Variants in METTL22 observed in about 807,000 individuals in gnomAD.
The protein encoded by METTL22 is methyltransferase 22, Kin17 lysine, also known as methyltransferase-like protein 22.
A neutral mutation model predicts 48.4 loss-of-function variants in METTL22; 51 were observed. The observed-to-expected ratio is 1.05, with a 90% CI of 0.84 to 1.33. The LOEUF is 1.33. Ranked by LOEUF, METTL22 falls within the 40% of genes most tolerant of loss-of-function variation. The probability of loss-of-function intolerance (pLI) is 0.00; values close to 1 mark genes in which losing one functional copy is unlikely to be tolerated. For missense variants in METTL22, 678 were observed against 526.9 expected, an observed-to-expected ratio of 1.29 and a Z score of -2.81; for synonymous variants, 255 against 214.1, an observed-to-expected ratio of 1.19 and a Z score of -1.67.
chr16:8,635,834 G>A (rs1218660665), intron 5 of METTL22, among the ~76,000 whole-genome samples: 1 of 152,236 alleles, frequency 6.6e-6, no homozygotes, highest in Non-Finnish European at 1.5e-5. Context: ...TGCGGTGAAT[G>A]GAGCTGACTA....
rs777070251 is a variant in METTL22 at position 8,646,408 on chromosome 16, C to T, written c.*265C>T. ...TGTGCTCCAGGGTCAAGCCGAGCCA[C>T]GTTCCTTCTCAGCTCAGTTCCACCC... On this transcript the variant is annotated 3_prime_UTR_variant, in exon 11 of 11. Coordinates refer to ENST00000381920, the MANE Select transcript of METTL22 (RefSeq NM_024109.4). 3.0e-6 allele frequency: 2 copies of T among 673,636 alleles called. No individual in the cohort carries two copies. The highest frequency in any genetic ancestry group is 1.8e-5 in the African/African-American group (1 of 56,676). The allele number at this position is 673,636 out of a possible 1,614,324, so 41.7% of individuals were successfully genotyped here.
intron 10 of METTL22, among the ~76,000 whole-genome samples, chr16:8,645,350 C>T (rs961396478): frequency 2.0e-5 from 3 of 152,274 alleles, no homozygotes; most frequent in South Asian, 2.1e-4. Flanking sequence ...GCATGGAATT[C>T]GTGTGGTTTT....
the METTL22 span, among the ~76,000 whole-genome samples, chr16:8,662,997 C>G: frequency 2.7e-5 from 4 of 147,630 alleles, no homozygotes; most frequent in East Asian, 7.9e-4. Context: ...CACCTGAGGT[C>G]AGGAGTTCGA....
In METTL22 at chr16:8,642,470, C is replaced by T. The variant is rs375016530; in HGVS notation, c.915C>T (p.Tyr305=). 3.7e-6 allele frequency: 6 copies of T among 1,613,986 alleles called. No homozygotes were observed. In the African/African-American group the frequency reaches 4.0e-5, roughly 11 times the overall value. ...TTILFAAEVF[Y]DDDLTDAVFK... ...CCTTTTTGCTTCCCACAGTGTTTTA[C>T]GACGACGACTTGACTGATGCTGTGT... is the stretch of plus-strand genomic sequence containing the variant. The change falls in exon 9 of 11, where the codon TAC becomes TAT. Residue 305 remains tyrosine, a synonymous_variant. Transcript: ENST00000381920.
At chr16:8,664,303 G>A in the METTL22 span, among the ~76,000 whole-genome samples, 62 of 152,066 alleles carry the variant, frequency 4.1e-4, no homozygotes, top group African/African-American at 1.4e-3. Context: ...GTGACACCAT[G>A]CCCAGCTAAT....
At chr16:8,632,033 C>T (rs550803787) in intron 3 of METTL22, 1 of 152,358 alleles carries the variant, frequency 6.6e-6, no homozygotes, top group East Asian at 1.9e-4. Flanking sequence ...TTTACCCATT[C>T]GAACACTAGC....
At chr16:8,636,843 T>C (rs565324090) in intron 5 of METTL22, among the ~76,000 whole-genome samples, 2 of 152,348 alleles carry the variant, frequency 1.3e-5, no homozygotes, top group African/African-American at 4.8e-5. Flanking sequence ...TTGATGAACA[T>C]TACCAACTAA....
At chr16:8,635,482 A>AAATGACCCT (rs1220498755) in intron 5 of METTL22, among the ~76,000 whole-genome samples, 170 bp downstream of exon 5, 1 of 152,200 alleles carries the variant, frequency 6.6e-6, no homozygotes, top group African/African-American at 2.4e-5. Context: ...AGTGACATCA[A>AAATGACCCT]AATGACCCAG....
chr16:8,649,121 G>C lies in METTL22; in HGVS notation c.*2978G>C, dbSNP rs1356557712. 1 of 152,204 alleles carries C rather than the reference G, an allele frequency of 6.6e-6. No homozygotes were observed. Among genetic ancestry groups the C allele is most frequent in the Admixed American group, 6.5e-5 (1 of 15,280 alleles). 9.4% of individuals were successfully genotyped at this position (152,204 alleles called of 1,614,324 possible). A position where few individuals can be genotyped will look rare whatever the true frequency, so the allele number is the denominator to read the frequency against. On this transcript the variant is annotated 3_prime_UTR_variant, in exon 11 of 11. Transcript: ENST00000381920. ...GGGTACAAGTCCATAAATGTAATTG[G>C]CACCAAGCAATAGAGTTGTCACAGC... is the stretch of plus-strand genomic sequence containing the variant.
In METTL22 at chr16:8,627,017, G is replaced by A. The variant is rs1253055247; in HGVS notation, c.133+1219G>A. On this transcript the variant is annotated intron_variant, in intron 2 of 10. Transcript: ENST00000381920. The stretch of plus-strand genomic sequence containing the variant: ...CTCCTGACCTCGTGCCGCCCGCCTC[G>A]GCCTCCCAAAGTGTCCTCTGCTCTT... 3.3e-5 allele frequency among the ~76,000 whole-genome samples: 5 copies of A among 151,776 alleles called. No homozygotes were observed. The East Asian group carries it at 5.8e-4, about 18-fold the overall frequency.
intron 6 of METTL22, chr16:8,639,429 T>A: frequency 3.8e-6 from 2 of 528,300 alleles, no homozygotes. Context: ...TGAGCTGGTC[T>A]CCCCAGCTCC....
downstream of METTL22, among the ~76,000 whole-genome samples, chr16:8,650,702 C>A (rs2056881655): frequency 6.6e-6 from 1 of 152,126 alleles, no homozygotes; most frequent in Non-Finnish European, 1.5e-5. Context: ...CATTCATATG[C>A]ACCCCATAAT....
the METTL22 span, among the ~76,000 whole-genome samples, chr16:8,657,820 C>CTTTTTTTTTTTTTTTTTTTTTTTTTTTT: frequency 1.5e-5 from 2 of 137,350 alleles, no homozygotes; most frequent in Non-Finnish European, 1.5e-5. Flanking sequence ...CTTTTCTTTT[C>CTTTTTTTTTTTTTTTTTTTTTTTTTTTT]TTTCTTTTTT....
chr16:8,646,003 A>T (rs1411697185), intron 10 of METTL22, 105 bp from the exon 11 acceptor site: 5 of 1,546,314 alleles, frequency 3.2e-6, no homozygotes, highest in South Asian at 1.2e-5. Flanking sequence ...TCCGTGGCTG[A>T]CGTGTTGTCT....
the METTL22 span, among the ~76,000 whole-genome samples, chr16:8,663,264 A>G: frequency 4.7e-5 from 7 of 149,590 alleles, no homozygotes; most frequent in African/African-American, 1.7e-4. Context: ...CCCTATTATT[A>G]TTAATCTCTG....
chr16:8,636,136 A>G (rs572885033), intron 5 of METTL22, among the ~76,000 whole-genome samples: 1 of 152,244 alleles, frequency 6.6e-6, no homozygotes, highest in Admixed American at 6.5e-5. Flanking sequence ...ACCTTCTGGA[A>G]TCCCCAGTGT....
chr16:8,637,577 T>A (rs755972148), intron 5 of METTL22, among the ~76,000 whole-genome samples: 4 of 152,254 alleles, frequency 2.6e-5, no homozygotes, highest in Non-Finnish European at 4.4e-5. Context: ...ATGGGCAGAC[T>A]GAGGCTGGCC....
intron 3 of METTL22, among the ~76,000 whole-genome samples, chr16:8,632,723 C>T (rs567144588): frequency 4.6e-5 from 7 of 152,190 alleles, no homozygotes; most frequent in Non-Finnish European, 8.8e-5. Flanking sequence ...GAGGCTACTT[C>T]TGCATTTTGC....
the METTL22 span, among the ~76,000 whole-genome samples, chr16:8,657,357 G>GTTAAATACAATATTAAGTAATAATGT: frequency 6.6e-6 from 1 of 152,164 alleles, no homozygotes; most frequent in Non-Finnish European, 1.5e-5. Flanking sequence ...TTTGTGCGTA[G>GTTAAATACAATATTAAGTAATAATGT]TTAAATACAA....
Sources: allele counts gnomAD v4.1 joint callset (sites outside exome capture counted in the v4.1 genomes callset), GRCh38; gene constraint gnomAD v4.1.1; transcripts MANE v1.5; gene names NCBI Gene and HGNC (gene_info 2026-07-23, HGNC 2026-07-21).